The following FMN1 variants were observed in gnomAD, a reference collection of about 807,000 sequenced individuals.
FMN1 encodes formin 1.
Under a neutral mutation model 132.4 loss-of-function variants are expected in FMN1, and 110 were observed. That is an observed-to-expected ratio of 0.83 (90% CI 0.71 to 0.97). The LOEUF is 0.97. Among genes scored for constraint, FMN1 ranks in the 50% least tolerant of loss-of-function variants. FMN1 has a pLI of 0.00. For synonymous variants in FMN1, 722 were observed against 651.7 expected, an observed-to-expected ratio of 1.11 and a Z score of -1.64; for missense variants, 1,792 against 1,705.3, an observed-to-expected ratio of 1.05 and a Z score of -0.90.
intron 4 of FMN1, among the ~76,000 whole-genome samples, chr15:33,091,937 G>C (rs1042837312): frequency 7.9e-5 from 12 of 152,120 alleles, no homozygotes; most frequent in African/African-American, 2.7e-4. Flanking sequence ...AACTGAATCA[G>C]TCTTATCAGT....
intron 4 of FMN1, among the ~76,000 whole-genome samples, chr15:33,127,567 G>A (rs1356129480): frequency 6.6e-6 from 1 of 152,200 alleles, no homozygotes; most frequent in Non-Finnish European, 1.5e-5. Context: ...TTTTAAAACA[G>A]AAACCAGTCT....
intron 6 of FMN1, chr15:33,012,304 T>C (rs2140966019): frequency 1.3e-6 from 1 of 765,276 alleles, no homozygotes; most frequent in Non-Finnish European, 2.4e-6. Flanking sequence ...TTGTCTCATA[T>C]GCCACCGTGG....
chr15:33,158,533 G>A (rs959595579), intron 3 of FMN1, among the ~76,000 whole-genome samples: 2 of 152,052 alleles, frequency 1.3e-5, no homozygotes, highest in East Asian at 1.9e-4. Context: ...GCACATGTCC[G>A]GAACCAAAGA....
chr15:32,955,287 A>G (rs956106720), intron 9 of FMN1, among the ~76,000 whole-genome samples: 2 of 152,220 alleles, frequency 1.3e-5, no homozygotes, highest in African/African-American at 4.8e-5. Context: ...CATATTAAGC[A>G]TGTGCCTGTG....
At chr15:32,970,426 C>G (rs1596370023) in intron 7 of FMN1, among the ~76,000 whole-genome samples, 1 of 152,114 alleles carries the variant, frequency 6.6e-6, no homozygotes, top group African/African-American at 2.4e-5. Context: ...CAAGATGAAA[C>G]TGGTGACAGT....
intron 4 of FMN1, among the ~76,000 whole-genome samples, chr15:33,127,586 C>T (rs1199306340): frequency 6.6e-6 from 1 of 152,302 alleles, no homozygotes. Flanking sequence ...CTGTAAGCAT[C>T]CTAAAGCTAG....
intron 6 of FMN1, among the ~76,000 whole-genome samples, chr15:33,049,944 C>G (rs988810063): frequency 3.0e-4 from 46 of 152,280 alleles, no homozygotes; most frequent in African/African-American, 1.1e-3. Flanking sequence ...TTCAATTAAA[C>G]TCCTTTAAAT....
At chr15:32,982,504 G>A (rs991307083) in intron 7 of FMN1, among the ~76,000 whole-genome samples, 2 of 152,166 alleles carry the variant, frequency 1.3e-5, no homozygotes, top group African/African-American at 4.8e-5. Flanking sequence ...GCCTGTGATG[G>A]TTAACTTTAT....
intron 4 of FMN1, among the ~76,000 whole-genome samples, chr15:33,121,136 T>C (rs887483220): frequency 6.6e-6 from 1 of 152,188 alleles, no homozygotes; most frequent in Non-Finnish European, 1.5e-5. Context: ...CCATCTATGA[T>C]TTACAGTCTA....
In FMN1 at chr15:32,968,703, G is replaced by A; in HGVS notation, c.2987+11C>T. 1.9e-6 allele frequency: 3 copies of A among 1,613,232 alleles called. No individual in the cohort carries two copies. The highest frequency in any genetic ancestry group is 1.1e-5 in the South Asian group (1 of 90,996). On this transcript the variant is annotated intron_variant, in intron 8 of 20. Coordinates refer to ENST00000616417, the MANE Select transcript of FMN1 (RefSeq NM_001277313.2). ...ATTCACATGCTGAGAATGGGATAGG[G>A]GAGAACTTACCTCCTATCACTTATT...
chr15:32,900,058 T>A lies in FMN1; in HGVS notation c.3575A>T (p.Asn1192Ile). The A allele has an allele frequency of 6.2e-7, 1 of 1,613,860 alleles. No homozygotes were observed. Among genetic ancestry groups the A allele is most frequent in the Non-Finnish European group, 8.5e-7 (1 of 1,179,816 alleles). ...ALILAFGNYM[N>I]GGNRTRGQAD... The stretch of plus-strand genomic sequence containing the variant: ...TTGTCCCCGAGTCCTATTTCCTCCA[T>A]TCATATAATTTCCAAAAGCCAAGAT... Residue 1192 changes from asparagine (N) to isoleucine (I), a missense_variant, in exon 14 of 21, where the codon AAT (asparagine) becomes ATT (isoleucine). Physicochemically the swap from Asn to Ile is moderately radical, Grantham distance 149. Transcript: ENST00000616417.
chr15:32,784,204 A>G (rs1392180452), intron 19 of FMN1, among the ~76,000 whole-genome samples: 2 of 152,166 alleles, frequency 1.3e-5, no homozygotes, highest in Non-Finnish European at 2.9e-5. Flanking sequence ...GTGTTTGTAA[A>G]CTATTTTTCA....
chr15:33,098,432 C>T (rs2039168778), intron 4 of FMN1, among the ~76,000 whole-genome samples: 1 of 152,158 alleles, frequency 6.6e-6, no homozygotes, highest in South Asian at 2.1e-4. Context: ...CACTTGTCTT[C>T]TCTAAAACTA....
intron 4 of FMN1, among the ~76,000 whole-genome samples, chr15:33,128,825 G>C (rs569244786): frequency 1.6e-4 from 25 of 152,324 alleles, no homozygotes; most frequent in African/African-American, 4.3e-4. Context: ...AAATAACAAA[G>C]CCTCCGCAAT....
intron 3 of FMN1, among the ~76,000 whole-genome samples, chr15:33,156,516 T>C (rs1160842451): frequency 2.0e-5 from 3 of 151,854 alleles, no homozygotes; most frequent in Non-Finnish European, 4.4e-5. Flanking sequence ...TCTGGAAATC[T>C]TGGACTCAAG....
At chr15:32,935,609 T>C (rs1381741006) in intron 9 of FMN1, among the ~76,000 whole-genome samples, 1 of 151,964 alleles carries the variant, frequency 6.6e-6, no homozygotes, top group African/African-American at 2.4e-5. Flanking sequence ...CGGTGTTCCA[T>C]ACATCCCTTA....
intron 7 of FMN1, among the ~76,000 whole-genome samples, chr15:32,985,264 C>T (rs558188300): frequency 6.6e-6 from 1 of 152,230 alleles, no homozygotes; most frequent in African/African-American, 2.4e-5. Context: ...CACAGCTTAT[C>T]TTGAGAACAG....
rs534234453 is a variant in FMN1 at position 33,008,849 on chromosome 15, T to C, written c.2162-774A>G. ...GCTGCAGAGAACCACAAGACAAAAA[T>C]GCTATGAGCACACATTTTTGTGAGA... On this transcript the variant is annotated intron_variant, in intron 6 of 20. Coordinates refer to ENST00000616417, the MANE Select transcript of FMN1 (RefSeq NM_001277313.2). Among the ~76,000 whole-genome samples the C allele has an allele frequency of 1.2e-3, 177 of 152,246 alleles. 1 individual carries two copies. The highest frequency in any genetic ancestry group is 3.8e-3 in the African/African-American group (158 of 41,544).
chr15:32,914,097 C>T (rs551240274), intron 10 of FMN1, among the ~76,000 whole-genome samples: 1 of 152,208 alleles, frequency 6.6e-6, no homozygotes, highest in South Asian at 2.1e-4. Context: ...TGCCTGAATA[C>T]TCCCTAACAA....
Sources: allele counts gnomAD v4.1 joint callset (sites outside exome capture counted in the v4.1 genomes callset), GRCh38; gene constraint gnomAD v4.1.1; transcripts MANE v1.5; gene names NCBI Gene and HGNC (gene_info 2026-07-23, HGNC 2026-07-21).